Variants in ARHGEF4 observed in about 807,000 individuals in gnomAD.
ARHGEF4 encodes the protein Rho guanine nucleotide exchange factor 4.
In ARHGEF4, 119 loss-of-function variants were observed where a neutral mutation model predicts 162.0. The observed-to-expected ratio is 0.73, with a 90% CI of 0.63 to 0.86. The LOEUF is 0.86. ARHGEF4 is among the 40% of genes least tolerant of loss of function. The probability of loss-of-function intolerance (pLI) is 0.00; values close to 1 mark genes in which losing one functional copy is unlikely to be tolerated. For missense variants in ARHGEF4, 2,488 were observed against 2,456.0 expected, an observed-to-expected ratio of 1.01 and a Z score of -0.28; for synonymous variants, 1,014 against 979.9, an observed-to-expected ratio of 1.03 and a Z score of -0.65.
chr2:130,976,612 G>A (rs1685732646), intron 4 of ARHGEF4, among the ~76,000 whole-genome samples: 1 of 152,160 alleles, frequency 6.6e-6, no homozygotes. Context: ...GGTGTGAAAA[G>A]CCTCACTCCA....
At chr2:130,853,367 G>A (rs1472615165) in intron 1 of ARHGEF4, among the ~76,000 whole-genome samples, 1 of 152,160 alleles carries the variant, frequency 6.6e-6, no homozygotes, top group East Asian at 1.9e-4. Flanking sequence ...CATCCTGCCG[G>A]CTTCACAGAG....
chr2:131,033,648 G>A (rs1338459480), intron 5 of ARHGEF4, among the ~76,000 whole-genome samples: 2 of 152,176 alleles, frequency 1.3e-5, no homozygotes, highest in Non-Finnish European at 2.9e-5. Flanking sequence ...GGATTTGGGG[G>A]TACCAGCGAG....
Position 130,917,254 on chromosome 2 carries a change from G to A in ARHGEF4, c.3308G>A (p.Arg1103Gln), listed in dbSNP as rs1681557951. Residue 1103 changes from arginine to glutamine, a missense_variant, in exon 2 of 14, where the codon CGG (arginine) becomes CAG (glutamine). By Grantham distance (43) the Arg-to-Gln change is conservative. Around this residue, in one of 6 missense-constraint regions of ARHGEF4, gnomAD observed 1,642 missense variants for 1,481.5 expected, o/e 1.11. Transcript: ENST00000409359. The part of the protein sequence containing the change: ...KPLSPRPSAQ[R>Q]MGLHYPGRGS... ...CTGAGTCCCAGGCCTAGTGCTCAGCGGATGGGTCTCCACTACCCCGGGAGG... is the reference window on the plus strand; with the variant it reads ...CTGAGTCCCAGGCCTAGTGCTCAGCAGATGGGTCTCCACTACCCCGGGAGG... 1.3e-6 allele frequency: 2 copies of A among 1,550,514 alleles called. No individual in the cohort carries two copies. The highest frequency in any genetic ancestry group is 8.7e-7 in the Non-Finnish European group (1 of 1,146,974).
intron 4 of ARHGEF4, among the ~76,000 whole-genome samples, chr2:130,966,255 C>T (rs1684994157): frequency 6.6e-6 from 1 of 152,210 alleles, no homozygotes; most frequent in South Asian, 2.1e-4. Context: ...CCGTGTATGC[C>T]TTAGAGCCAG....
At chr2:130,850,156 C>T (rs1306827027) in intron 1 of ARHGEF4, among the ~76,000 whole-genome samples, 5 of 152,148 alleles carry the variant, frequency 3.3e-5, no homozygotes, top group Non-Finnish European at 5.9e-5. Flanking sequence ...TCTAGGGCAT[C>T]CTCAGAGGGA....
At chr2:130,981,130 C>G (rs1021272639) in intron 4 of ARHGEF4, among the ~76,000 whole-genome samples, 12 of 152,078 alleles carry the variant, frequency 7.9e-5, no homozygotes, top group Admixed American at 2.0e-4. Context: ...CTCTGTAGAT[C>G]ATTAGAGGCA....
intron 1 of ARHGEF4, among the ~76,000 whole-genome samples, chr2:130,844,916 C>T (rs1340651279): frequency 3.3e-5 from 5 of 151,898 alleles, no homozygotes; most frequent in South Asian, 2.1e-4. Flanking sequence ...CCTCCACCTC[C>T]GGGTTCAAGT....
At chr2:130,892,646 G>T (rs889911522) in intron 1 of ARHGEF4, among the ~76,000 whole-genome samples, 1 of 152,208 alleles carries the variant, frequency 6.6e-6, no homozygotes, top group South Asian at 2.1e-4. Context: ...CTACTGGCAG[G>T]CTGAGGACTA....
intron 4 of ARHGEF4, among the ~76,000 whole-genome samples, chr2:130,988,748 T>C (rs901140206): frequency 2.6e-5 from 4 of 152,114 alleles, no homozygotes; most frequent in Non-Finnish European, 2.9e-5. Context: ...AGATATGTCA[T>C]ACTATTTGTA....
At chr2:130,908,639 G>A (rs1234631942) in intron 1 of ARHGEF4, among the ~76,000 whole-genome samples, 1 of 152,026 alleles carries the variant, frequency 6.6e-6, no homozygotes, top group Non-Finnish European at 1.5e-5. Flanking sequence ...TTGCGCCATT[G>A]CACTCCAGCC....
intron 1 of ARHGEF4, among the ~76,000 whole-genome samples, chr2:130,903,978 A>C (rs1345545388): frequency 6.6e-6 from 1 of 152,220 alleles, no homozygotes; most frequent in Non-Finnish European, 1.5e-5. Flanking sequence ...ATAGCACTAC[A>C]TAGAAGTGCA....
chr2:130,970,722 T>C (rs1033414649), intron 4 of ARHGEF4, among the ~76,000 whole-genome samples: 17 of 152,372 alleles, frequency 1.1e-4, no homozygotes, highest in African/African-American at 4.1e-4. Flanking sequence ...GCATATCTTC[T>C]TTGTTGAAGC....
intron 1 of ARHGEF4, among the ~76,000 whole-genome samples, chr2:130,891,570 T>C (rs1363541260): frequency 6.6e-6 from 1 of 152,190 alleles, no homozygotes; most frequent in Non-Finnish European, 1.5e-5. Flanking sequence ...TTGCTCACAG[T>C]TCTGAAAGCT....
Position 131,021,139 on chromosome 2 carries a change from C to T in ARHGEF4, c.3986-6806C>T, listed in dbSNP as rs928639121. Among the ~76,000 whole-genome samples, 9 of 152,126 alleles carry T rather than the reference C, an allele frequency of 5.9e-5. 1 individual carries two copies. Among genetic ancestry groups the T allele is most frequent in the Admixed American group, 5.9e-4 (9 of 15,276 alleles). ...AATGTTCTCCCATTCTGTAGGTTGC[C>T]TGTTCACTCTGATGGTAGTTTCTTT... On this transcript the variant is annotated intron_variant, in intron 4 of 13. Coordinates refer to ENST00000409359, the MANE Select transcript of ARHGEF4 (RefSeq NM_001367493.1).
chr2:130,891,693 G>T (rs1012528074), intron 1 of ARHGEF4, among the ~76,000 whole-genome samples: 1 of 152,138 alleles, frequency 6.6e-6, no homozygotes, highest in Non-Finnish European at 1.5e-5. Flanking sequence ...GTGCATGCAC[G>T]TCCCTGGCGT....
chr2:131,023,511 A>T (rs1487188359), intron 4 of ARHGEF4, among the ~76,000 whole-genome samples: 1 of 152,226 alleles, frequency 6.6e-6, no homozygotes, highest in Non-Finnish European at 1.5e-5. Flanking sequence ...AAAGATGTTC[A>T]ACATCGTCAG....
At chr2:130,902,362 G>A (rs983542976) in intron 1 of ARHGEF4, among the ~76,000 whole-genome samples, 3 of 152,134 alleles carry the variant, frequency 2.0e-5, no homozygotes, top group African/African-American at 7.2e-5. Context: ...GGGAGGCGAA[G>A]GTGGGCAGAT....
intron 1 of ARHGEF4, among the ~76,000 whole-genome samples, chr2:130,864,844 G>A (rs1369098269): frequency 2.0e-5 from 3 of 152,256 alleles, no homozygotes; most frequent in African/African-American, 7.2e-5. Context: ...TCTACTTTAA[G>A]TGGGTAATTG....
At chr2:130,928,249 G>C (rs1682414503) in intron 2 of ARHGEF4, among the ~76,000 whole-genome samples, 1 of 152,180 alleles carries the variant, frequency 6.6e-6, no homozygotes. Flanking sequence ...TCAATGTTTA[G>C]AGGTCTCTTC....
Sources: allele counts gnomAD v4.1 joint callset (sites outside exome capture counted in the v4.1 genomes callset), GRCh38; gene constraint gnomAD v4.1.1; regional missense constraint gnomAD v4.1.1; transcripts MANE v1.5; gene names NCBI Gene and HGNC (gene_info 2026-07-23, HGNC 2026-07-21).